Variants in DGLUCY observed in about 807,000 individuals in gnomAD.
DGLUCY encodes D-glutamate cyclase, mitochondrial.
Under a neutral mutation model 58.5 loss-of-function variants are expected in DGLUCY, and 58 were observed. The observed-to-expected ratio is 0.99, with a 90% CI of 0.80 to 1.23. The LOEUF (loss-of-function observed/expected upper bound fraction) is 1.23. Ranked by LOEUF, DGLUCY falls within the 50% of genes most tolerant of loss-of-function variation. The pLI is 0.00. For synonymous variants in DGLUCY, 325 were observed against 314.1 expected, an observed-to-expected ratio of 1.03 and a Z score of -0.37; for missense variants, 779 against 784.7, an observed-to-expected ratio of 0.99 and a Z score of 0.09.
At chr14:91,122,868 A>T (rs1169838779) in intron 1 of DGLUCY, among the ~76,000 whole-genome samples, 3 of 152,124 alleles carry the variant, frequency 2.0e-5, no homozygotes, top group African/African-American at 7.2e-5. Flanking sequence ...CAGCCTCCCA[A>T]AGTGCTGGGA....
intron 3 of DGLUCY, among the ~76,000 whole-genome samples, chr14:91,161,228 G>T (rs1217766147): frequency 5.3e-5 from 8 of 152,102 alleles, no homozygotes; most frequent in African/African-American, 1.9e-4. Context: ...CCGCCACCAT[G>T]CCCAGCTAAT....
chr14:91,105,759 A>G (rs1457463463), upstream of DGLUCY, among the ~76,000 whole-genome samples: 1 of 152,228 alleles, frequency 6.6e-6, no homozygotes, highest in Non-Finnish European at 1.5e-5. Context: ...AACAATAAGG[A>G]TAAGTTCTGA....
chr14:91,183,841 A>C (rs975421611), intron 8 of DGLUCY, among the ~76,000 whole-genome samples: 1 of 152,154 alleles, frequency 6.6e-6, no homozygotes, highest in African/African-American at 2.4e-5. Flanking sequence ...ACGGTAAGTC[A>C]CAGTCTTGCC....
At chr14:91,086,587 A>AT (rs974907870) in intron 1 of DGLUCY, among the ~76,000 whole-genome samples, 8 of 150,980 alleles carry the variant, frequency 5.3e-5, no homozygotes, top group South Asian at 2.1e-4. Context: ...ACAACCTTTC[A>AT]TTTTTTTTTC....
At chr14:91,171,624 C>T (rs561888620) in intron 5 of DGLUCY, among the ~76,000 whole-genome samples, 3 of 152,324 alleles carry the variant, frequency 2.0e-5, no homozygotes, top group African/African-American at 4.8e-5. Flanking sequence ...ATCCTGCTGC[C>T]GCCAGGGTGG....
At chr14:91,200,419 A>G (rs1427045804) in intron 11 of DGLUCY, among the ~76,000 whole-genome samples, 1 of 152,168 alleles carries the variant, frequency 6.6e-6, no homozygotes, top group Non-Finnish European at 1.5e-5. Flanking sequence ...GGGAAAGCAT[A>G]TTCTATTTGC....
intron 12 of DGLUCY, among the ~76,000 whole-genome samples, chr14:91,208,951 A>C (rs775833663): frequency 1.3e-4 from 20 of 152,214 alleles, no homozygotes; most frequent in Non-Finnish European, 2.5e-4. Flanking sequence ...TTTACATGCT[A>C]AGAAAGGAGA....
intron 1 of DGLUCY, among the ~76,000 whole-genome samples, chr14:91,151,986 G>T (rs979812747): frequency 6.6e-6 from 1 of 151,542 alleles, no homozygotes; most frequent in Non-Finnish European, 1.5e-5. Context: ...GACCCTACCC[G>T]CCATTCCCCA....
chr14:91,138,512 A>C (rs546122598), intron 1 of DGLUCY, among the ~76,000 whole-genome samples: 89 of 152,328 alleles, frequency 5.8e-4, no homozygotes, highest in African/African-American at 2.0e-3. Flanking sequence ...AAAGAAAAAA[A>C]GAAATATTCG....
chr14:91,094,030 G>A (rs2044353973), intron 1 of DGLUCY, among the ~76,000 whole-genome samples: 1 of 152,132 alleles, frequency 6.6e-6, no homozygotes, highest in Admixed American at 6.5e-5. Flanking sequence ...ACTAGATAAT[G>A]CTGATAGTTG....
At chr14:91,187,979 C>G (rs2049625858) in intron 8 of DGLUCY, among the ~76,000 whole-genome samples, 1 of 152,152 alleles carries the variant, frequency 6.6e-6, no homozygotes, top group South Asian at 2.1e-4. Flanking sequence ...GCTGTCTGTA[C>G]CATTTCCCTT....
chr14:91,219,512 GA>G (rs1218672324), intron 13 of DGLUCY, among the ~76,000 whole-genome samples: 1 of 152,232 alleles, frequency 6.6e-6, no homozygotes, highest in Non-Finnish European at 1.5e-5. Context: ...TGAGCTAGTG[GA>G]AAAGCTTGAT....
At chr14:91,195,369 C>T (rs1488659049) in intron 9 of DGLUCY, among the ~76,000 whole-genome samples, 1 of 152,090 alleles carries the variant, frequency 6.6e-6, no homozygotes, top group East Asian at 1.9e-4. Flanking sequence ...TACAACAATA[C>T]GTGTTCTTTT....
At chr14:91,095,101 GC>G (rs896670177) in intron 1 of DGLUCY, among the ~76,000 whole-genome samples, 2 of 151,594 alleles carry the variant, frequency 1.3e-5, no homozygotes, top group Non-Finnish European at 2.9e-5. Context: ...AATTCCCCCT[GC>G]CCCCCCAGTT....
intron 1 of DGLUCY, among the ~76,000 whole-genome samples, chr14:91,097,665 C>T (rs2140076968): frequency 6.6e-6 from 1 of 151,406 alleles, no homozygotes; most frequent in Non-Finnish European, 1.5e-5. Flanking sequence ...ATCAAGGACC[C>T]CCTCCCCTCC....
intron 11 of DGLUCY, among the ~76,000 whole-genome samples, chr14:91,201,486 A>G (rs926678153): frequency 2.0e-5 from 3 of 152,054 alleles, no homozygotes; most frequent in African/African-American, 4.8e-5. Flanking sequence ...TTTAGTAGAC[A>G]TGGGGTTTCA....
intron 12 of DGLUCY, among the ~76,000 whole-genome samples, chr14:91,215,111 T>C (rs1886308175): frequency 6.6e-6 from 1 of 152,186 alleles, no homozygotes; most frequent in South Asian, 2.1e-4. Context: ...ATCGCACCAC[T>C]ACACTCCAGC....
chr14:91,131,286 G>A (rs936699249), intron 1 of DGLUCY, among the ~76,000 whole-genome samples: 13 of 152,134 alleles, frequency 8.5e-5, no homozygotes, highest in Middle Eastern at 3.2e-3. Flanking sequence ...GTTTGGGAAT[G>A]CTTTTGCATT....
chr14:91,150,493 G>A (rs545130080), intron 1 of DGLUCY, among the ~76,000 whole-genome samples: 2 of 152,176 alleles, frequency 1.3e-5, no homozygotes, highest in East Asian at 3.9e-4. Flanking sequence ...CCAGGCTGGA[G>A]TGCAGTGGTG....
Sources: gnomAD v4.1 joint callset for allele counts (sites outside exome capture counted in the v4.1 genomes callset) on GRCh38, gnomAD v4.1.1 for gene constraint, MANE v1.5 for transcripts, NCBI Gene and HGNC (gene_info 2026-07-23, HGNC 2026-07-21) for gene names.